KCNN1: variants seen among roughly 807,000 people sequenced by gnomAD.
KCNN1 encodes small conductance calcium-activated potassium channel protein 1.
KCNN1 carries 20 observed loss-of-function variants against 44.7 expected under a neutral mutation model. The observed-to-expected ratio is 0.45, with a 90% CI of 0.32 to 0.65. The LOEUF is 0.65. Ranked by LOEUF, KCNN1 falls within the 30% of genes least tolerant of loss-of-function variation. KCNN1 has a pLI of 0.05. For synonymous variants in KCNN1, 324 were observed against 341.7 expected (o/e 0.95, Z 0.57); for missense variants, 632 against 785.3 (o/e 0.80, Z 2.33).
intron 1 of KCNN1, among the ~76,000 whole-genome samples, chr19:17,971,171 A>C (rs898165307): frequency 2.6e-5 from 4 of 152,088 alleles, no homozygotes; most frequent in African/African-American, 7.2e-5. Context: ...GGCGTGAGCC[A>C]CTGCACCCAG....
chr19:17,965,887 G>A (rs948459083), upstream of KCNN1, among the ~76,000 whole-genome samples: 2 of 152,064 alleles, frequency 1.3e-5, no homozygotes, highest in South Asian at 4.1e-4. Context: ...GATGAGGAAC[G>A]GGCTCTCCAG....
chr19:17,970,287 TG>T (rs1274151409), intron 1 of KCNN1, among the ~76,000 whole-genome samples: 2 of 115,586 alleles, frequency 1.7e-5, no homozygotes, highest in African/African-American at 6.5e-5. Context: ...ATAGAAGGAA[TG>T]ATTTTTTTTT....
At chr19:17,956,650 A>G (rs1289081755) in intron 2 of KCNN1, among the ~76,000 whole-genome samples, 1 of 151,010 alleles carries the variant, frequency 6.6e-6, no homozygotes, top group Non-Finnish European at 1.5e-5. Flanking sequence ...GGAGGCTGAG[A>G]TGGGGGGATC....
intron 3 of KCNN1, among the ~76,000 whole-genome samples, chr19:17,980,564 A>C (rs1329942947): frequency 1.3e-5 from 2 of 152,046 alleles, no homozygotes; most frequent in African/African-American, 4.8e-5. Context: ...GCCAGTGCTG[A>C]GAACTAGAGA....
At position 17,993,376 on chromosome 19, in the gene KCNN1, C is replaced by T. The variant is rs1435257140; in HGVS notation, c.1308-114C>T. 1.3e-6 allele frequency: 1 copy of T among 775,794 alleles called. No individual in the cohort carries two copies. Among genetic ancestry groups the T allele is most frequent in the Non-Finnish European group, 2.2e-6 (1 of 449,902 alleles). 48.1% of individuals were successfully genotyped at this position (775,794 alleles called of 1,614,324 possible). A position where few individuals can be genotyped will look rare whatever the true frequency, so the allele number is the denominator to read the frequency against. The stretch of plus-strand genomic sequence containing the variant: ...ATCGGCCTCCCAACTCCCACCTCAT[C>T]CTCTGATGCATGTCCCATAGGTGAC... On this transcript the variant is annotated intron_variant, in intron 8 of 9. Transcript: ENST00000684775. This position sits in a 1 kb window ranked among gnomAD's most constrained non-coding sequence, Gnocchi z 4.5.
chr19:17,972,043 C>G (rs2032041602), intron 1 of KCNN1: 1 of 152,062 alleles, frequency 6.6e-6, no homozygotes, highest in African/African-American at 2.4e-5. Context: ...CCATACCACC[C>G]TGAACACTCC....
upstream of KCNN1, among the ~76,000 whole-genome samples, chr19:17,966,716 C>T (rs1264053613): frequency 1.3e-5 from 2 of 152,182 alleles, no homozygotes; most frequent in African/African-American, 4.8e-5. Context: ...AGCTAGACCC[C>T]GGAGGAGGTC....
At chr19:17,984,877 GC>G (rs1378536371) in intron 4 of KCNN1, among the ~76,000 whole-genome samples, 1 of 152,040 alleles carries the variant, frequency 6.6e-6, no homozygotes, top group Non-Finnish European at 1.5e-5. Flanking sequence ...CTTCACTCGA[GC>G]CCCAGGTGGT....
At chr19:17,988,640 CA>C in intron 6 of KCNN1, 115 bp downstream of exon 6, 5 of 789,508 alleles carry the variant, frequency 6.3e-6, no homozygotes, top group Non-Finnish European at 1.1e-5. Context: ...GGTTACCATG[CA>C]GCCCCGTGTC....
Position 17,975,202 on chromosome 19 carries a change from C to T in KCNN1, c.498+15C>T. On this transcript the variant is annotated intron_variant, in intron 3 of 9. Coordinates refer to ENST00000684775, the MANE Select transcript of KCNN1 (RefSeq NM_001386974.1). ...GGGAGATCCAGGTCAGTGCTGAATA[C>T]TGCAGGAAGCAGCTCCTCTCCTCAA... is the stretch of plus-strand genomic sequence containing the variant. 6.3e-7 allele frequency: 1 copy of T among 1,594,474 alleles called. No individual in the cohort carries two copies.
At chr19:17,981,336 G>A (rs1015935566) in intron 3 of KCNN1, among the ~76,000 whole-genome samples, 1 of 152,032 alleles carries the variant, frequency 6.6e-6, no homozygotes, top group Admixed American at 6.6e-5. Context: ...CAGATCACCT[G>A]AGGTCAGGAA....
At chr19:17,978,424 GTTT>G (rs936725904) in intron 3 of KCNN1, among the ~76,000 whole-genome samples, 3 of 117,054 alleles carry the variant, frequency 2.6e-5, no homozygotes, top group Admixed American at 9.1e-5. Flanking sequence ...TGCCCAGCCT[GTTT>G]TTTTTTTTTT....
At position 17,998,035 on chromosome 19, in the gene KCNN1, T is replaced by C; in HGVS notation, c.1378-117T>C. 1 of 1,198,152 alleles carries C rather than the reference T, an allele frequency of 8.3e-7. No homozygotes were observed. The highest frequency in any genetic ancestry group is 1.7e-5 in the South Asian group (1 of 59,698). 74.2% of individuals were successfully genotyped at this position (1,198,152 alleles called of 1,614,324 possible). On this transcript the variant is annotated intron_variant, in intron 9 of 9. Coordinates refer to ENST00000684775, the MANE Select transcript of KCNN1 (RefSeq NM_001386974.1). The surrounding 1 kb of genome is among the most constrained non-coding windows in gnomAD (Gnocchi z 5.4). Reference sequence around the variant, plus strand: ...CCACCCCTCACACGGGCCCCATTAGTGGCTGGCACCCACCTGGAGCGTGTG... The same window carrying C: ...CCACCCCTCACACGGGCCCCATTAGCGGCTGGCACCCACCTGGAGCGTGTG...
At chr19:17,952,014 A>G (rs1270698644) in intron 1 of KCNN1, among the ~76,000 whole-genome samples, 2 of 152,120 alleles carry the variant, frequency 1.3e-5, no homozygotes, top group Admixed American at 1.3e-4. Flanking sequence ...ACCGTCTTCT[A>G]AGATTTGCTG....
intron 3 of KCNN1, among the ~76,000 whole-genome samples, chr19:17,979,140 TAAAA>T (rs71164334): frequency 4.8e-5 from 5 of 103,346 alleles, no homozygotes; most frequent in East Asian, 6.3e-4. Flanking sequence ...CCCTTCCTCT[TAAAA>T]AAAAAAAAAA....
Position 17,976,722 on chromosome 19 carries a change from CT to C in KCNN1, c.498+1546del, listed in dbSNP as rs71336654. On this transcript the variant is annotated intron_variant, in intron 3 of 9. Transcript: ENST00000684775. ...TGTGAGCCACCGCGCCCAGCATAAC[CT>C]TTTTTTTTTTGAGATGGAGTCTCAC... 9.1e-3 allele frequency among the ~76,000 whole-genome samples: 1,264 copies of C among 138,542 alleles called. 9 individuals are homozygous for C. Among genetic ancestry groups the C allele is most frequent in the African/African-American group, 0.03 (1,126 of 37,574 alleles). 90.9% of individuals were successfully genotyped at this position (138,542 alleles called of 152,430 possible).
chr19:17,975,902 G>A (rs767158284), intron 3 of KCNN1, among the ~76,000 whole-genome samples: 20 of 151,896 alleles, frequency 1.3e-4, no homozygotes, highest in South Asian at 4.1e-4. Flanking sequence ...TCAGTGTCTC[G>A]CCATATTGCC....
chr19:17,971,135 C>T (rs1260225819), intron 1 of KCNN1, among the ~76,000 whole-genome samples: 2 of 151,980 alleles, frequency 1.3e-5, no homozygotes, highest in Non-Finnish European at 2.9e-5. Context: ...CTGCCCACCT[C>T]AGCCTCCCAA....
At chr19:17,973,771 G>T in intron 1 of KCNN1, 37 bp from the exon 2 acceptor site, 1 of 1,463,192 alleles carries the variant, frequency 6.8e-7, no homozygotes, top group South Asian at 1.4e-5. Context: ...CAGTAAGCTG[G>T]ACCCTGCTGT....
Sources: allele counts gnomAD v4.1 joint callset (sites outside exome capture counted in the v4.1 genomes callset), GRCh38; gene constraint gnomAD v4.1.1; non-coding constraint Gnocchi (gnomAD v3.1); transcripts MANE v1.5; gene names NCBI Gene and HGNC (gene_info 2026-07-23, HGNC 2026-07-21).